PEX14: variants seen among roughly 807,000 people sequenced by gnomAD.
The protein encoded by PEX14 is peroxisomal biogenesis factor 14, also known as peroxisomal membrane protein PEX14.
In PEX14, 15 loss-of-function variants were observed where a neutral mutation model predicts 49.5. The ratio of observed to expected loss-of-function variants is 0.30; its 90% CI spans 0.20 to 0.47. PEX14 has a LOEUF of 0.47. Among genes scored for constraint, PEX14 ranks in the 20% least tolerant of loss-of-function variants. PEX14 has a pLI of 1.00. For missense variants in PEX14, 398 were observed against 494.8 expected (o/e 0.80, Z 1.86); for synonymous variants, 210 against 212.7 (o/e 0.99, Z 0.11).
chr1:10,626,087 G>A (rs1641738013), intron 7 of PEX14, among the ~76,000 whole-genome samples: 1 of 152,192 alleles, frequency 6.6e-6, no homozygotes, highest in Non-Finnish European at 1.5e-5. Flanking sequence ...AAAAAGAAGA[G>A]CTTTAAGTAA....
intron 3 of PEX14, among the ~76,000 whole-genome samples, chr1:10,552,869 A>G (rs1256874369): frequency 6.6e-6 from 1 of 152,094 alleles, no homozygotes; most frequent in Non-Finnish European, 1.5e-5. Flanking sequence ...GCCCTGCAAG[A>G]GGATTAGTTG....
rs1641904667 is a variant in PEX14 at position 10,512,671 on chromosome 1, A to G, written c.84+17350A>G. Among the ~76,000 whole-genome samples, 3 of 152,106 alleles carry G rather than the reference A, an allele frequency of 2.0e-5. No individual in the cohort carries two copies. Among genetic ancestry groups the G allele is most frequent in the Admixed American group, 6.5e-5 (1 of 15,268 alleles). ...ATGCATAGGATCGTTTTTAAATGAA[A>G]TGCTCCCTGTTCTTTTCCTTCTTTT... On this transcript the variant is annotated intron_variant, in intron 2 of 8. Transcript: ENST00000356607. The surrounding 1 kb of genome is among the most constrained non-coding windows in gnomAD (Gnocchi z 4.6).
rs1641886386 is a variant in PEX14 at position 10,630,273 on chromosome 1, A to G, written c.*286A>G. On this transcript the variant is annotated 3_prime_UTR_variant, in exon 9 of 9. Transcript: ENST00000356607. This position sits in a 1 kb window ranked among gnomAD's most constrained non-coding sequence, Gnocchi z 4.1. ...GAAGGCAGCGAAGCCTCGGGGCCCA[A>G]GCCCCTCCCCAGCCCCCTCTCCCGG... 1.8e-6 allele frequency: 1 copy of G among 547,688 alleles called. No individual in the cohort carries two copies. The allele number at this position is 547,688 out of a possible 1,614,324, so 33.9% of individuals were successfully genotyped here.
At chr1:10,497,760 G>C (rs1046327913) in intron 2 of PEX14, among the ~76,000 whole-genome samples, 10 of 152,206 alleles carry the variant, frequency 6.6e-5, no homozygotes, top group Admixed American at 5.9e-4. Context: ...GGATATTTCA[G>C]TGTTGGGGGA....
chr1:10,488,508 C>CT (rs1283337286), intron 1 of PEX14, among the ~76,000 whole-genome samples: 8 of 150,500 alleles, frequency 5.3e-5, no homozygotes, highest in African/African-American at 9.8e-5. Context: ...ATTCTATTTT[C>CT]TTTTTTTTTG....
At chr1:10,622,907 G>A in intron 5 of PEX14, 112 bp from the exon 6 acceptor site, 1 of 750,966 alleles carries the variant, frequency 1.3e-6, no homozygotes, top group Non-Finnish European at 2.4e-6. Flanking sequence ...TTTGCTTAGG[G>A]TTTCCAAAAC....
At chr1:10,593,520 C>G (rs1292470429) in intron 3 of PEX14, among the ~76,000 whole-genome samples, 1 of 152,118 alleles carries the variant, frequency 6.6e-6, no homozygotes, top group Non-Finnish European at 1.5e-5. Flanking sequence ...CTGCCACTCC[C>G]CATCATCTGA....
intron 3 of PEX14, among the ~76,000 whole-genome samples, chr1:10,580,783 T>C (rs1328686814): frequency 2.1e-5 from 3 of 143,346 alleles, no homozygotes; most frequent in Non-Finnish European, 3.0e-5. Context: ...CTAGCTGTTC[T>C]TTTTTTTTTC....
intron 3 of PEX14, among the ~76,000 whole-genome samples, chr1:10,551,421 A>G (rs1340415291): frequency 6.6e-6 from 1 of 152,088 alleles, no homozygotes; most frequent in Non-Finnish European, 1.5e-5. Context: ...GCTCATCTCC[A>G]TTAGCGTGGA....
intron 2 of PEX14, among the ~76,000 whole-genome samples, chr1:10,519,894 A>C (rs912545130): frequency 6.6e-6 from 1 of 151,830 alleles, no homozygotes; most frequent in African/African-American, 2.4e-5. Context: ...TCCCGCCTCG[A>C]CCTCCATGTA....
intron 1 of PEX14, among the ~76,000 whole-genome samples, chr1:10,485,858 C>T (rs1030486189): frequency 2.0e-5 from 3 of 150,542 alleles, no homozygotes; most frequent in Non-Finnish European, 4.4e-5. Context: ...TGGGTTCAAG[C>T]GATTCTCCTG....
chr1:10,478,105 C>T (rs1277493779), intron 1 of PEX14, among the ~76,000 whole-genome samples: 1 of 151,974 alleles, frequency 6.6e-6, no homozygotes, highest in Non-Finnish European at 1.5e-5. Flanking sequence ...ACAAGCTGGT[C>T]TCAAACTCCT....
intron 2 of PEX14, among the ~76,000 whole-genome samples, chr1:10,499,206 C>T (rs1169550304): frequency 6.6e-6 from 1 of 152,176 alleles, no homozygotes; most frequent in Non-Finnish European, 1.5e-5. Context: ...CACATCTGCT[C>T]ACTTGTTTCA....
At chr1:10,573,209 A>G (rs1023183880) in intron 3 of PEX14, among the ~76,000 whole-genome samples, 1 of 152,226 alleles carries the variant, frequency 6.6e-6, no homozygotes, top group African/African-American at 2.4e-5. Flanking sequence ...TATTTTATTC[A>G]TCTGACGGAG....
chr1:10,583,164 C>T (rs1360460196), intron 3 of PEX14, among the ~76,000 whole-genome samples: 1 of 151,922 alleles, frequency 6.6e-6, no homozygotes, highest in Non-Finnish European at 1.5e-5. Flanking sequence ...CTCTCAAAAC[C>T]TGAACATTAC....
chr1:10,557,938 G>A (rs1639542025), intron 3 of PEX14, among the ~76,000 whole-genome samples: 1 of 151,846 alleles, frequency 6.6e-6, no homozygotes, highest in Non-Finnish European at 1.5e-5. Context: ...TGACCAACTG[G>A]ATAGTCTCAG....
At chr1:10,563,692 A>G (rs971164928) in intron 3 of PEX14, among the ~76,000 whole-genome samples, 1 of 152,156 alleles carries the variant, frequency 6.6e-6, no homozygotes, top group African/African-American at 2.4e-5. Context: ...TGGGAGGCCG[A>G]GGCGGGTGTA....
At chr1:10,535,717 AT>A (rs1638779662) in intron 2 of PEX14, among the ~76,000 whole-genome samples, 1 of 152,214 alleles carries the variant, frequency 6.6e-6, no homozygotes, top group South Asian at 2.1e-4. Context: ...TGGCTTGCTT[AT>A]TTAGGCAAGG....
intron 2 of PEX14, among the ~76,000 whole-genome samples, chr1:10,498,137 G>A (rs554710500): frequency 9.2e-5 from 14 of 152,192 alleles, no homozygotes; most frequent in Admixed American, 5.9e-4. Context: ...AACATTAGCC[G>A]GGCTTGGTGC....
Sources: gnomAD v4.1 joint callset for allele counts (sites outside exome capture counted in the v4.1 genomes callset) on GRCh38, gnomAD v4.1.1 for gene constraint, Gnocchi (gnomAD v3.1) non-coding constraint, MANE v1.5 for transcripts, NCBI Gene and HGNC (gene_info 2026-07-23, HGNC 2026-07-21) for gene names.